The following DCAF10 variants were observed in gnomAD, a reference collection of about 807,000 sequenced individuals.
The protein encoded by DCAF10 is DDB1 and CUL4 associated factor 10.
DCAF10 carries 19 observed loss-of-function variants against 51.9 expected under a neutral mutation model. That is an observed-to-expected ratio of 0.37 (90% confidence interval 0.26 to 0.54). DCAF10 has a LOEUF of 0.54. Among genes scored for constraint, DCAF10 ranks in the 20% least tolerant of loss-of-function variants. The pLI, the probability that DCAF10 is intolerant of heterozygous loss-of-function variation, is 0.87. For synonymous variants in DCAF10, 291 were observed against 297.1 expected, an observed-to-expected ratio of 0.98 and a Z score of 0.21; for missense variants, 510 against 730.6, an observed-to-expected ratio of 0.70 and a Z score of 3.48.
At chr9:37,811,699 A>G (rs1829352274) in intron 1 of DCAF10, among the ~76,000 whole-genome samples, 1 of 152,186 alleles carries the variant, frequency 6.6e-6, no homozygotes, top group Non-Finnish European at 1.5e-5. Flanking sequence ...CAGATTTACC[A>G]AAATGGGACA....
intron 2 of DCAF10, among the ~76,000 whole-genome samples, chr9:37,835,024 G>A (rs1052435748): frequency 5.9e-5 from 9 of 152,286 alleles, no homozygotes; most frequent in African/African-American, 2.2e-4. Context: ...GAATTCAAGA[G>A]ATCAGCTGGC....
intron 2 of DCAF10, among the ~76,000 whole-genome samples, chr9:37,838,592 T>C (rs1830241785): frequency 6.6e-6 from 1 of 152,248 alleles, no homozygotes; most frequent in Admixed American, 6.5e-5. Flanking sequence ...AAAAATTGCA[T>C]ATTCATTTTA....
At position 37,866,271 on chromosome 9, in the gene DCAF10, A is replaced by G. The variant is rs183406706; in HGVS notation, c.*4763A>G. The G allele has an allele frequency of 3.3e-5, 5 of 152,752 alleles. No homozygotes were observed. Among genetic ancestry groups the G allele is most frequent in the East Asian group, 1.9e-4 (1 of 5,190 alleles). The allele number at this position is 152,752 out of a possible 1,614,324, so 9.5% of individuals were successfully genotyped here. On this transcript the variant is annotated 3_prime_UTR_variant, in exon 7 of 7. Coordinates refer to ENST00000377724, the MANE Select transcript of DCAF10 (RefSeq NM_024345.5). ...ATACCTTCCTGCCTTCTTCTTAAAC[A>G]TCATGCTCAGTATAATTCACATTTT...
intron 2 of DCAF10, among the ~76,000 whole-genome samples, chr9:37,838,141 A>C (rs1830228462): frequency 6.6e-6 from 1 of 152,374 alleles, no homozygotes; most frequent in South Asian, 2.1e-4. Context: ...ATTATCTTTA[A>C]AGATTTTTTT....
rs1214666082 is a variant in DCAF10, at chr9:37,816,794, A to G, written c.540-2494A>G. Among the ~76,000 whole-genome samples, 5 of 152,184 alleles carry G rather than the reference A, an allele frequency of 3.3e-5. No individual in the cohort carries two copies. In the East Asian group the frequency reaches 9.6e-4, roughly 29 times the overall value. On this transcript the variant is annotated intron_variant, in intron 1 of 6. Coordinates refer to ENST00000377724, the MANE Select transcript of DCAF10 (RefSeq NM_024345.5). The stretch of plus-strand genomic sequence containing the variant: ...ATCTTTAATGTGTGGGAAAATGTGC[A>G]TATTACTGTATGAGGTAAATCAATA...
intron 2 of DCAF10, among the ~76,000 whole-genome samples, chr9:37,830,554 C>T (rs28372990): frequency 0.19 from 29,152 of 152,056 alleles, 3,193 homozygotes; most frequent in African/African-American, 0.29. Flanking sequence ...AGGGAAGGGA[C>T]TGGGGAGGGA....
chr9:37,848,577 A>C (rs1266354507), intron 3 of DCAF10, among the ~76,000 whole-genome samples: 5 of 152,200 alleles, frequency 3.3e-5, no homozygotes, highest in Admixed American at 6.6e-5. Context: ...TGGGAACAGA[A>C]AGTGATTGCT....
At chr9:37,815,358 GA>G (rs1204427615) in intron 1 of DCAF10, among the ~76,000 whole-genome samples, 1 of 152,168 alleles carries the variant, frequency 6.6e-6, no homozygotes, top group East Asian at 1.9e-4. Context: ...TTAAAAAGAA[GA>G]ACAGTCTGGG....
chr9:37,825,857 A>G (rs1422250020), intron 2 of DCAF10, among the ~76,000 whole-genome samples: 1 of 151,928 alleles, frequency 6.6e-6, no homozygotes, highest in Admixed American at 6.6e-5. Flanking sequence ...CATCTCTACT[A>G]AAAATACAAA....
Position 37,816,659 on chromosome 9 carries a change from GGTGTGT to G in DCAF10, c.540-2602_540-2597del, listed in dbSNP as rs1554685707. On this transcript the variant is annotated intron_variant, in intron 1 of 6. Transcript: ENST00000377724. ...AATCTCAATTAACATCTGCACCTGG[GGTGTGT>G]GTGTGTGTGTGTGTGTGTGTGTGTG... Among the ~76,000 whole-genome samples, 180 of 144,980 alleles carry G rather than the reference GGTGTGT, an allele frequency of 1.2e-3. No individual in the cohort carries two copies. The East Asian group carries it at 0.032, about 26-fold the overall frequency.
chr9:37,808,640 A>ATAT (rs1464912323), intron 1 of DCAF10, among the ~76,000 whole-genome samples: 10 of 17,526 alleles, frequency 5.7e-4, no homozygotes, highest in South Asian at 2.3e-3. Context: ...TATAATATAA[A>ATAT]AATATATAAT....
intron 3 of DCAF10, among the ~76,000 whole-genome samples, chr9:37,853,527 TAA>T (rs1283288302): frequency 2.7e-5 from 4 of 150,448 alleles, no homozygotes; most frequent in Admixed American, 6.6e-5. Flanking sequence ...AGCATGTATG[TAA>T]ATCTCAATAT....
Position 37,861,722 on chromosome 9 carries a change from G to A in DCAF10, c.*214G>A. 1 of 554,974 alleles carries A rather than the reference G, an allele frequency of 1.8e-6. No individual in the cohort carries two copies. Among genetic ancestry groups the A allele is most frequent in the Non-Finnish European group, 3.1e-6 (1 of 327,794 alleles). 34.4% of individuals were successfully genotyped at this position (554,974 alleles called of 1,614,324 possible). ...ACTCTATGCAGCATCATCTTTTGCA[G>A]CATTCCTCTGCTCCTGCTGATCTGT... On this transcript the variant is annotated 3_prime_UTR_variant, in exon 7 of 7. Transcript: ENST00000377724. This position sits in a 1 kb window ranked among gnomAD's most constrained non-coding sequence, Gnocchi z 4.9.
chr9:37,854,077 A>T lies in DCAF10; in HGVS notation c.852-703A>T, dbSNP rs534166512. On this transcript the variant is annotated intron_variant, in intron 3 of 6. Transcript: ENST00000377724. ...AAAAAGTAAAATTTATTGGAAAGAC[A>T]TCTCATTTTTGAAGTTTCAATTTTT... 1.1e-3 allele frequency among the ~76,000 whole-genome samples: 161 copies of T among 151,908 alleles called. 1 individual carries two copies. The highest frequency in any genetic ancestry group is 3.7e-3 in the African/African-American group (154 of 41,436).
chr9:37,859,177 AG>A (rs1182511399), intron 5 of DCAF10, among the ~76,000 whole-genome samples: 1 of 152,234 alleles, frequency 6.6e-6, no homozygotes, highest in Admixed American at 6.5e-5. Context: ...AGTAATCTGA[AG>A]GGAATCTTTA....
chr9:37,827,503 A>G (rs1829886796), intron 2 of DCAF10, among the ~76,000 whole-genome samples: 1 of 152,194 alleles, frequency 6.6e-6, no homozygotes, highest in African/African-American at 2.4e-5. Flanking sequence ...CAATGTTTCT[A>G]ATTAAAAACA....
rs1831140372 is a variant in DCAF10, at chr9:37,866,510, C to T, written c.*5002C>T. On this transcript the variant is annotated 3_prime_UTR_variant, in exon 7 of 7. Transcript: ENST00000377724. The stretch of plus-strand genomic sequence containing the variant: ...CTAAGTAATTTGCTATGTCTTCTCC[C>T]ACACTATCAATATGCCTGCTTCTAA... The T allele has an allele frequency of 6.6e-6, 1 of 152,190 alleles. No individual in the cohort carries two copies. The highest frequency in any genetic ancestry group is 1.5e-5 in the Non-Finnish European group (1 of 68,032). The allele number at this position is 152,190 out of a possible 1,614,324, so 9.4% of individuals were successfully genotyped here. A position where few individuals can be genotyped will look rare whatever the true frequency, so the allele number is the denominator to read the frequency against.
At chr9:37,824,016 G>C (rs1829782374) in intron 2 of DCAF10, among the ~76,000 whole-genome samples, 1 of 151,784 alleles carries the variant, frequency 6.6e-6, no homozygotes, top group Non-Finnish European at 1.5e-5. Context: ...GAGTAGCTGG[G>C]ATTACAGGCA....
rs1221425487 is a variant in DCAF10 at position 37,861,692 on chromosome 9, G to C, written c.*184G>C. On this transcript the variant is annotated 3_prime_UTR_variant, in exon 7 of 7. Coordinates refer to ENST00000377724, the MANE Select transcript of DCAF10 (RefSeq NM_024345.5). This position sits in a 1 kb window ranked among gnomAD's most constrained non-coding sequence, Gnocchi z 4.9. ...TCCAGCATCATACAGGCATCTCCAAGTTAGACTCTATGCAGCATCATCTTT... is the reference window on the plus strand; with the variant it reads ...TCCAGCATCATACAGGCATCTCCAACTTAGACTCTATGCAGCATCATCTTT... 1.8e-5 allele frequency: 13 copies of C among 724,914 alleles called. No individual in the cohort carries two copies. The highest frequency in any genetic ancestry group is 2.6e-5 in the Non-Finnish European group (12 of 460,156). 44.9% of individuals were successfully genotyped at this position (724,914 alleles called of 1,614,324 possible). A position where few individuals can be genotyped will look rare whatever the true frequency, so the allele number is the denominator to read the frequency against.
Sources: allele counts gnomAD v4.1 joint callset (sites outside exome capture counted in the v4.1 genomes callset), GRCh38; gene constraint gnomAD v4.1.1; non-coding constraint Gnocchi (gnomAD v3.1); transcripts MANE v1.5; gene names NCBI Gene and HGNC (gene_info 2026-07-23, HGNC 2026-07-21).